Variants in TFEB observed in about 807,000 individuals in gnomAD.
TFEB encodes the protein transcription factor EB.
TFEB carries 12 observed loss-of-function variants against 48.0 expected under a neutral mutation model. The ratio of observed to expected loss-of-function variants is 0.25; its 90% CI spans 0.16 to 0.40. The LOEUF (loss-of-function observed/expected upper bound fraction) is 0.40. Among genes scored for constraint, TFEB ranks in the 10% least tolerant of loss-of-function variants. The pLI, the probability that TFEB is intolerant of heterozygous loss-of-function variation, is 1.00. For synonymous variants in TFEB, 244 were observed against 261.4 expected (o/e 0.93, Z 0.64); for missense variants, 509 against 640.3 (o/e 0.79, Z 2.21).
chr6:41,732,117 C>CTGG (rs2127279376), intron 1 of TFEB, among the ~76,000 whole-genome samples: 1 of 152,286 alleles, frequency 6.6e-6, no homozygotes, highest in African/African-American at 2.4e-5. Context: ...AACTCCTGAG[C>CTGG]TCCAGTGATC....
chr6:41,691,354 G>A lies in TFEB; in HGVS notation c.-22-119C>T. 1 of 1,032,676 alleles carries A rather than the reference G, an allele frequency of 9.7e-7. No individual in the cohort carries two copies. Among genetic ancestry groups the A allele is most frequent in the East Asian group, 2.6e-5 (1 of 38,626 alleles). 64.0% of individuals were successfully genotyped at this position (1,032,676 alleles called of 1,614,324 possible). ...TCCATTTTAGAGGAGAAGACACCGA[G>A]CCCTGAGAGGGGAAGAGATTTGCCC... On this transcript the variant is annotated intron_variant, in intron 1 of 8. Transcript: ENST00000373033. The surrounding 1 kb of genome is among the most constrained non-coding windows in gnomAD (Gnocchi z 5.2).
intron 1 of TFEB, among the ~76,000 whole-genome samples, chr6:41,697,136 G>A (rs181596986): frequency 2.0e-5 from 3 of 151,140 alleles, no homozygotes; most frequent in African/African-American, 4.9e-5. Flanking sequence ...AGCCTGGCAT[G>A]GTGGCTCACG....
chr6:41,690,831 A>G lies in TFEB; in HGVS notation c.300T>C (p.Tyr100=), dbSNP rs761541941. 1 of 1,613,186 alleles carries G rather than the reference A, an allele frequency of 6.2e-7. No individual in the cohort carries two copies. Among genetic ancestry groups the G allele is most frequent in the Admixed American group, 1.7e-5 (1 of 59,990 alleles). ...QKVREYLSET[Y]GNKFAAHISP... is the part of the protein sequence containing the mutation. Reference sequence around the variant, plus strand: ...TGATGTGGGCAGCAAACTTGTTCCCATAGGTCTCGGACAGGTACTCCCGCA... The same window carrying G: ...TGATGTGGGCAGCAAACTTGTTCCCGTAGGTCTCGGACAGGTACTCCCGCA... The change falls in exon 3 of 9, where the codon TAT becomes TAC. Residue 100 remains tyrosine, a synonymous_variant. Transcript: ENST00000373033.
intron 1 of TFEB, among the ~76,000 whole-genome samples, chr6:41,728,875 G>A (rs918007951): frequency 6.6e-6 from 1 of 152,086 alleles, no homozygotes; most frequent in Non-Finnish European, 1.5e-5. Flanking sequence ...GGGTAGAGAC[G>A]GTAGACAGAG....
intron 1 of TFEB, among the ~76,000 whole-genome samples, chr6:41,715,704 C>T (rs999396240): frequency 6.6e-6 from 1 of 151,656 alleles, no homozygotes; most frequent in Non-Finnish European, 1.5e-5. Context: ...CTCACGGATT[C>T]AGGTCCTCCC....
intron 1 of TFEB, among the ~76,000 whole-genome samples, chr6:41,709,529 G>GTGGATGGATGGA (rs10604830): frequency 0.048 from 7,200 of 149,390 alleles, 208 homozygotes; most frequent in East Asian, 0.091. Context: ...ATAATGGTTG[G>GTGGATGGATGGA]TGGATGGATG....
chr6:41,697,508 C>CG (rs928016379), intron 1 of TFEB, among the ~76,000 whole-genome samples: 12 of 150,792 alleles, frequency 8.0e-5, no homozygotes, highest in Non-Finnish European at 1.8e-4. Flanking sequence ...TCCAAACCCC[C>CG]CCCCTTCCCC....
intron 1 of TFEB, chr6:41,733,120 T>C (rs35088334): frequency 0.06 from 55,417 of 919,170 alleles, 1,809 homozygotes; most frequent in Non-Finnish European, 0.065. Flanking sequence ...GGCCAAGAGC[T>C]AGACCCTCAA....
chr6:41,686,261 T>C, intron 7 of TFEB, 24 bp from the exon 8 acceptor site: 1 of 1,613,018 alleles, frequency 6.2e-7, no homozygotes, highest in Non-Finnish European at 8.5e-7. Flanking sequence ...CCAGGCAAAT[T>C]AGAGGTGCAT....
intron 1 of TFEB, among the ~76,000 whole-genome samples, chr6:41,727,474 T>G (rs1314729789): frequency 6.6e-6 from 1 of 152,174 alleles, no homozygotes; most frequent in African/African-American, 2.4e-5. Flanking sequence ...CTGGATCACT[T>G]GAGCCCAGGA....
intron 1 of TFEB, among the ~76,000 whole-genome samples, chr6:41,725,337 A>G (rs1771159427): frequency 6.6e-6 from 1 of 152,172 alleles, no homozygotes; most frequent in Non-Finnish European, 1.5e-5. Context: ...GTGGAGAACT[A>G]CTGCCCTAGA....
intron 1 of TFEB, among the ~76,000 whole-genome samples, chr6:41,715,622 A>T (rs751279437): frequency 5.3e-5 from 8 of 151,850 alleles, no homozygotes; most frequent in Non-Finnish European, 8.8e-5. Flanking sequence ...GTGAGCCGAG[A>T]TCACGCTACT....
intron 3 of TFEB, among the ~76,000 whole-genome samples, chr6:41,690,129 T>C (rs1371947743): frequency 1.3e-5 from 2 of 148,866 alleles, no homozygotes; most frequent in African/African-American, 5.0e-5. Flanking sequence ...TTCTTTTTTC[T>C]TTTTTCTTTT....
chr6:41,687,120 T>G lies in TFEB; in HGVS notation c.777A>C (p.Gly259=). Residue 259 remains glycine (G), a synonymous_variant, in exon 7 of 9, where the codon GGA becomes GGC. Coordinates refer to ENST00000373033, the MANE Select transcript of TFEB (RefSeq NM_001271944.2). ...FNINDRIKEL[G]MLIPKANDLD... is the part of the protein sequence containing the mutation. ...GGTCATTGGCCTTGGGGATCAGCAT[T>G]CCCAACTCCTTGATGCGGTCATTGA... 6.2e-7 allele frequency: 1 copy of G among 1,614,166 alleles called. No individual in the cohort carries two copies. Among genetic ancestry groups the G allele is most frequent in the Non-Finnish European group, 8.5e-7 (1 of 1,180,020 alleles).
rs908184786 is a variant in TFEB, at chr6:41,735,486, C to A, written c.-159G>T. The A allele has an allele frequency of 1.0e-6, 1 of 984,584 alleles. No homozygotes were observed. Among genetic ancestry groups the A allele is most frequent in the Non-Finnish European group, 1.2e-6 (1 of 829,732 alleles). The allele number at this position is 984,584 out of a possible 1,614,324, so 61.0% of individuals were successfully genotyped here. A position where few individuals can be genotyped will look rare whatever the true frequency, so the allele number is the denominator to read the frequency against. On this transcript the variant is annotated 5_prime_UTR_variant, in exon 1 of 9. Coordinates refer to ENST00000373033, the MANE Select transcript of TFEB (RefSeq NM_001271944.2). Reference sequence around the variant, plus strand: ...TCCGGCCCCGTGCCACCAGGGAGGCCCGCCCCGTCCGCCCTTCCCGCCGCC... The same window carrying A: ...TCCGGCCCCGTGCCACCAGGGAGGCACGCCCCGTCCGCCCTTCCCGCCGCC...
chr6:41,687,960 G>C lies in TFEB; in HGVS notation c.618C>G (p.Gly206=). 6.2e-7 allele frequency: 1 copy of C among 1,614,034 alleles called. No individual in the cohort carries two copies. The highest frequency in any genetic ancestry group is 2.2e-5 in the East Asian group (1 of 44,870). The change falls in exon 5 of 9, where the codon GGC becomes GGG. Residue 206 remains glycine (G), a synonymous_variant. Transcript: ENST00000373033. ...SDPQVTASLV[G]VTSSSCPADL... is the part of the protein sequence containing the mutation. ...CCGCAGGGCAGGAGCTGCTGGTGAC[G>C]CCCACCAGGGAGGCTGTGACCTGGG...
intron 1 of TFEB, among the ~76,000 whole-genome samples, chr6:41,725,324 C>G (rs899605467): frequency 5.3e-5 from 8 of 152,178 alleles, no homozygotes; most frequent in Non-Finnish European, 7.4e-5. Context: ...AAAATCACCC[C>G]TAGTGGAGAA....
chr6:41,687,687 C>T, intron 6 of TFEB, 66 bp downstream of exon 6: 1 of 1,606,080 alleles, frequency 6.2e-7, no homozygotes, highest in Non-Finnish European at 8.5e-7. Context: ...CAGGGAGTGG[C>T]TTTTTAGCCA....
rs1771632787 is a variant in TFEB, at chr6:41,735,278, G to C, written c.-23+72C>G. ...TCCCACCTGTCTCCGGGACCCACGGGATAGGGGCCAGGGAGCCTGGGTCGG... is the reference window on the plus strand; with the variant it reads ...TCCCACCTGTCTCCGGGACCCACGGCATAGGGGCCAGGGAGCCTGGGTCGG... On this transcript the variant is annotated intron_variant, in intron 1 of 8. Transcript: ENST00000373033. 8.2e-6 allele frequency: 8 copies of C among 980,626 alleles called. No homozygotes were observed. In the South Asian group the frequency reaches 1.4e-4, roughly 17 times the overall value. The allele number at this position is 980,626 out of a possible 1,614,324, so 60.7% of individuals were successfully genotyped here. A position where few individuals can be genotyped will look rare whatever the true frequency, so the allele number is the denominator to read the frequency against.
Sources: gnomAD v4.1 joint callset for allele counts (sites outside exome capture counted in the v4.1 genomes callset) on GRCh38, gnomAD v4.1.1 for gene constraint, Gnocchi (gnomAD v3.1) non-coding constraint, MANE v1.5 for transcripts, NCBI Gene and HGNC (gene_info 2026-07-23, HGNC 2026-07-21) for gene names.